The following USH2A variants were observed in gnomAD, a reference collection of about 807,000 sequenced individuals.
USH2A encodes Usher syndrome 2A (autosomal recessive, mild).
A neutral mutation model predicts 538.9 loss-of-function variants in USH2A; 443 were observed. That is an observed-to-expected ratio of 0.82 (90% CI 0.76 to 0.89). USH2A has a LOEUF of 0.89. Among genes scored for constraint, USH2A ranks in the 40% least tolerant of loss-of-function variants. USH2A has a pLI of 0.00. For missense variants in USH2A, 6,633 were observed against 6,324.8 expected, an observed-to-expected ratio of 1.05 and a Z score of -1.65; for synonymous variants, 2,413 against 2,273.5, an observed-to-expected ratio of 1.06 and a Z score of -1.75.
At chr1:215,645,104 G>T (rs998105464) in intron 67 of USH2A, among the ~76,000 whole-genome samples, 3 of 152,162 alleles carry the variant, frequency 2.0e-5, no homozygotes, top group African/African-American at 7.2e-5. Flanking sequence ...GCAAATTACT[G>T]ACTGAAGACA....
chr1:216,166,770 A>G (rs1008804453), intron 21 of USH2A, among the ~76,000 whole-genome samples: 3 of 152,128 alleles, frequency 2.0e-5, no homozygotes, highest in Admixed American at 6.6e-5. Context: ...GAAAAAAATG[A>G]AGGGAAGAAG....
In USH2A at chr1:215,675,386, C is replaced by A. The variant is rs1657987278; in HGVS notation, c.12525G>T (p.Trp4175Cys). Residue 4175 changes from tryptophan (W) to cysteine (C), a missense_variant, in exon 63 of 72, where the codon TGG becomes TGT. Transcript: ENST00000307340. ...SVKSTSVELS[W>C]SEPVNPNGKI... ...TTCCATTTGGGTTAACAGGCTCAGA[C>A]CAGCTCAGCTCAACACTGGTGGACT... The A allele has an allele frequency of 3.1e-6, 5 of 1,614,146 alleles. No homozygotes were observed. The highest frequency in any genetic ancestry group is 4.2e-6 in the Non-Finnish European group (5 of 1,180,022).
intron 37 of USH2A, among the ~76,000 whole-genome samples, chr1:215,937,087 T>C (rs1434822911): frequency 3.9e-5 from 6 of 152,090 alleles, no homozygotes. Flanking sequence ...ATATAATTTA[T>C]TACTCTGGAC....
rs190699735 is a variant in USH2A, at chr1:215,856,795, C to G, written c.8845+10212G>C. 2.0e-5 allele frequency among the ~76,000 whole-genome samples: 3 copies of G among 151,662 alleles called. No homozygotes were observed. In the East Asian group the frequency reaches 5.8e-4, roughly 30 times the overall value. Reference sequence around the variant, plus strand: ...CAATTGTGAAAACATGGAACCAGCCCAAACGCCCATCAATCAATGAGTGGA... The same window carrying G: ...CAATTGTGAAAACATGGAACCAGCCGAAACGCCCATCAATCAATGAGTGGA... On this transcript the variant is annotated intron_variant, in intron 44 of 71. Coordinates refer to ENST00000307340, the MANE Select transcript of USH2A (RefSeq NM_206933.4).
intron 25 of USH2A, among the ~76,000 whole-genome samples, chr1:216,084,356 T>C (rs1420473314): frequency 2.0e-5 from 3 of 152,126 alleles, no homozygotes; most frequent in African/African-American, 7.2e-5. Flanking sequence ...ACAAAACTCT[T>C]TGAAACATCT....
At chr1:216,162,315 T>C (rs1485039390) in intron 21 of USH2A, among the ~76,000 whole-genome samples, 1 of 152,116 alleles carries the variant, frequency 6.6e-6, no homozygotes, top group Non-Finnish European at 1.5e-5. Context: ...TCAGGTATTT[T>C]ACTTTACATA....
chr1:215,790,074 A>C lies in USH2A; in HGVS notation c.10167T>G (p.Thr3389=). 4 of 1,613,286 alleles carry C rather than the reference A, an allele frequency of 2.5e-6. No individual in the cohort carries two copies. Among genetic ancestry groups the C allele is most frequent in the Non-Finnish European group, 3.4e-6 (4 of 1,179,916 alleles). Residue 3389 remains threonine (T), a synonymous_variant, in exon 51 of 72, where the codon ACT becomes ACG. Coordinates refer to ENST00000307340, the MANE Select transcript of USH2A (RefSeq NM_206933.4). ...TATCAATTACCTTCATCATCATTCC[A>C]GTTGAAATCTTGTCAGAGCAAACAT... is the stretch of plus-strand genomic sequence containing the variant. ...LKYVCSDKIS[T]GMMMKETKEC...
intron 60 of USH2A, among the ~76,000 whole-genome samples, chr1:215,738,568 C>T (rs1363704228): frequency 6.6e-6 from 1 of 151,938 alleles, no homozygotes; most frequent in South Asian, 2.1e-4. Context: ...TCATAAACAT[C>T]TTCTGTCTTT....
chr1:215,671,035 A>G lies in USH2A; in HGVS notation c.14070T>C (p.Tyr4690=). Residue 4690 remains tyrosine, a synonymous_variant, in exon 64 of 72, where the codon TAT becomes TAC. Coordinates refer to ENST00000307340, the MANE Select transcript of USH2A (RefSeq NM_206933.4). ...CTATAAAAGATGTTGAGCTTCCGTT[A>G]TAGATTAGGACTGGATTGGATTTTC... The part of the protein sequence containing the change: ...QPRKSNPVLI[Y]NGSSTSFIDS... 6.2e-7 allele frequency: 1 copy of G among 1,614,158 alleles called. No individual in the cohort carries two copies. Among genetic ancestry groups the G allele is most frequent in the Non-Finnish European group, 8.5e-7 (1 of 1,180,008 alleles).
chr1:216,296,013 T>G (rs2037097471), intron 9 of USH2A, among the ~76,000 whole-genome samples: 1 of 152,014 alleles, frequency 6.6e-6, no homozygotes, highest in African/African-American at 2.4e-5. Flanking sequence ...CCTTTAACAA[T>G]CTTAAAGGGA....
At chr1:215,833,496 C>T (rs1411367282) in intron 47 of USH2A, among the ~76,000 whole-genome samples, 7 of 151,048 alleles carry the variant, frequency 4.6e-5, no homozygotes, top group Non-Finnish European at 1.5e-5. Context: ...ACTTACATGC[C>T]AAAAAAAATT....
At chr1:216,371,996 C>T (rs559101729) in intron 3 of USH2A, among the ~76,000 whole-genome samples, 23 of 152,180 alleles carry the variant, frequency 1.5e-4, no homozygotes, top group South Asian at 6.2e-4. Context: ...TATTGAGTGA[C>T]GTTTATACAA....
intron 11 of USH2A, among the ~76,000 whole-genome samples, chr1:216,264,453 A>G (rs2036433464): frequency 1.3e-5 from 2 of 152,012 alleles, no homozygotes; most frequent in African/African-American, 4.8e-5. Flanking sequence ...GCCCGCCACC[A>G]TGCTCTGCTA....
intron 11 of USH2A, among the ~76,000 whole-genome samples, chr1:216,255,696 G>T (rs1285405952): frequency 6.6e-6 from 1 of 152,126 alleles, no homozygotes; most frequent in Non-Finnish European, 1.5e-5. Context: ...AGTAGGTGTA[G>T]TTTGCTGCTC....
At chr1:216,152,081 T>G (rs2033847587) in intron 21 of USH2A, among the ~76,000 whole-genome samples, 2 of 152,104 alleles carry the variant, frequency 1.3e-5, no homozygotes, top group South Asian at 4.1e-4. Flanking sequence ...ACGCCGCCCC[T>G]AATCGCACTT....
At position 215,623,923 on chromosome 1, in the gene USH2A, G is replaced by A. The variant is rs1655900193; in HGVS notation, c.*1858C>T. On this transcript the variant is annotated 3_prime_UTR_variant, in exon 72 of 72. Coordinates refer to ENST00000307340, the MANE Select transcript of USH2A (RefSeq NM_206933.4). Reference sequence around the variant, plus strand: ...TGTATTCTTAGAAGAGTCCACCAAGGATTAGGATGCAAGTTTGTGACCACT... The same window carrying A: ...TGTATTCTTAGAAGAGTCCACCAAGAATTAGGATGCAAGTTTGTGACCACT... 2.0e-5 allele frequency: 3 copies of A among 152,114 alleles called. No individual in the cohort carries two copies. 9.4% of individuals were successfully genotyped at this position (152,114 alleles called of 1,614,324 possible). A position where few individuals can be genotyped will look rare whatever the true frequency, so the allele number is the denominator to read the frequency against.
At chr1:215,746,296 T>A (rs1660468548) in intron 58 of USH2A, among the ~76,000 whole-genome samples, 1 of 152,058 alleles carries the variant, frequency 6.6e-6, no homozygotes, top group Non-Finnish European at 1.5e-5. Context: ...AACGGAATGG[T>A]CTTGAGCTGC....
chr1:216,202,390 T>C (rs2035019410), intron 16 of USH2A, among the ~76,000 whole-genome samples: 1 of 152,210 alleles, frequency 6.6e-6, no homozygotes, highest in African/African-American at 2.4e-5. Context: ...TGTGTAGGAA[T>C]ATCATATAAG....
chr1:216,077,005 C>A (rs1272758456), intron 27 of USH2A, among the ~76,000 whole-genome samples: 1 of 152,040 alleles, frequency 6.6e-6, no homozygotes, highest in East Asian at 1.9e-4. Context: ...TAACAGGCTG[C>A]CTGAGAGACT....
Sources: allele counts gnomAD v4.1 joint callset (sites outside exome capture counted in the v4.1 genomes callset), GRCh38; gene constraint gnomAD v4.1.1; transcripts MANE v1.5; gene names NCBI Gene and HGNC (gene_info 2026-07-23, HGNC 2026-07-21).